GPC6: variants seen among roughly 807,000 people sequenced by gnomAD.
GPC6 encodes the protein glypican-6.
In GPC6, 14 loss-of-function variants were observed where a neutral mutation model predicts 55.2. That is an observed-to-expected ratio of 0.25 (90% CI 0.17 to 0.40). The LOEUF (loss-of-function observed/expected upper bound fraction) is 0.40, where lower values mean the gene tolerates loss of function less well. Ranked by LOEUF, GPC6 falls within the 10% of genes least tolerant of loss-of-function variation. The pLI is 1.00. For synonymous variants in GPC6, 278 were observed against 259.6 expected, an observed-to-expected ratio of 1.07 and a Z score of -0.68; for missense variants, 641 against 708.5, an observed-to-expected ratio of 0.90 and a Z score of 1.08.
intron 3 of GPC6, among the ~76,000 whole-genome samples, chr13:94,019,107 T>C (rs1401995341): frequency 6.6e-6 from 1 of 152,230 alleles, no homozygotes; most frequent in Non-Finnish European, 1.5e-5. Flanking sequence ...CCTCATCTTC[T>C]GTTTTTTGGA....
chr13:93,805,363 G>A (rs1423504806), intron 2 of GPC6, among the ~76,000 whole-genome samples: 1 of 152,070 alleles, frequency 6.6e-6, no homozygotes, highest in Non-Finnish European at 1.5e-5. Flanking sequence ...CTATCACCAA[G>A]TCATCTTTCA....
chr13:93,872,680 G>C (rs1335990716), intron 3 of GPC6, among the ~76,000 whole-genome samples: 1 of 151,974 alleles, frequency 6.6e-6, no homozygotes, highest in Non-Finnish European at 1.5e-5. Context: ...CCACCCATGT[G>C]ATCCCAGATA....
chr13:93,449,213 G>C (rs1338680890), intron 1 of GPC6, among the ~76,000 whole-genome samples: 1 of 151,428 alleles, frequency 6.6e-6, no homozygotes, highest in African/African-American at 2.4e-5. Flanking sequence ...CATAAGGAAG[G>C]GTCCGAGATG....
rs577645546 is a variant in GPC6, at chr13:94,324,011, A to T, written c.1152+17888A>T. Reference sequence around the variant, plus strand: ...AGGACTAGAAGAGAACTGCAAGCTAATGCTGGCTTCCGGCATTGTTGTCGA... The same window carrying T: ...AGGACTAGAAGAGAACTGCAAGCTATTGCTGGCTTCCGGCATTGTTGTCGA... On this transcript the variant is annotated intron_variant, in intron 6 of 8. Coordinates refer to ENST00000377047, the MANE Select transcript of GPC6 (RefSeq NM_005708.5). Among the ~76,000 whole-genome samples, 14 of 152,328 alleles carry T rather than the reference A, an allele frequency of 9.2e-5. No homozygotes were observed. The South Asian group carries it at 2.5e-3, about 27-fold the overall frequency.
intron 2 of GPC6, among the ~76,000 whole-genome samples, chr13:93,561,983 G>A (rs1321332249): frequency 6.6e-6 from 1 of 152,072 alleles, no homozygotes; most frequent in East Asian, 1.9e-4. Context: ...AACTGCTGTT[G>A]CTTTGTGGAT....
chr13:94,288,938 G>GTT lies in GPC6; in HGVS notation c.1008+2459_1008+2460insTT, dbSNP rs1566638399. On this transcript the variant is annotated intron_variant, in intron 5 of 8. Coordinates refer to ENST00000377047, the MANE Select transcript of GPC6 (RefSeq NM_005708.5). ...GTTATATATATAACAAATATAGATA[G>GTT]ATAGATAGATAGATATATAGATAGA... Among the ~76,000 whole-genome samples, 25 of 18,654 alleles carry GTT rather than the reference G, an allele frequency of 1.3e-3. 1 individual carries two copies. The South Asian group carries it at 0.024, about 18-fold the overall frequency. 12.2% of individuals were successfully genotyped at this position (18,654 alleles called of 152,430 possible).
chr13:93,668,600 C>T (rs1284625182), intron 2 of GPC6, among the ~76,000 whole-genome samples: 2 of 152,090 alleles, frequency 1.3e-5, no homozygotes, highest in African/African-American at 2.4e-5. Flanking sequence ...GAAGAGAAGC[C>T]ATGCGAAAGG....
chr13:93,742,552 G>A (rs561781491), intron 2 of GPC6, among the ~76,000 whole-genome samples: 3 of 152,318 alleles, frequency 2.0e-5, no homozygotes, highest in East Asian at 1.9e-4. Context: ...TGACAAGACA[G>A]ACAAGTGGTT....
intron 7 of GPC6, among the ~76,000 whole-genome samples, chr13:94,396,630 A>T (rs1266322782): frequency 6.6e-6 from 1 of 152,232 alleles, no homozygotes; most frequent in Non-Finnish European, 1.5e-5. Flanking sequence ...TGGGTCTTTA[A>T]GGGTATTTGG....
At chr13:94,177,558 T>C (rs1417744935) in intron 4 of GPC6, among the ~76,000 whole-genome samples, 1 of 152,044 alleles carries the variant, frequency 6.6e-6, no homozygotes, top group Non-Finnish European at 1.5e-5. Context: ...AAACAAGATA[T>C]ATCAATTGTC....
intron 1 of GPC6, among the ~76,000 whole-genome samples, chr13:93,472,690 T>C (rs1231313892): frequency 6.6e-6 from 1 of 152,180 alleles, no homozygotes; most frequent in East Asian, 1.9e-4. Context: ...CTTCTCTTCT[T>C]CTCTCCTCTC....
intron 2 of GPC6, among the ~76,000 whole-genome samples, chr13:93,641,072 T>A (rs1348758610): frequency 6.6e-6 from 1 of 151,976 alleles, no homozygotes; most frequent in African/African-American, 2.4e-5. Flanking sequence ...CTGTTAACAT[T>A]TTGAACACCA....
intron 3 of GPC6, among the ~76,000 whole-genome samples, chr13:93,902,773 T>G (rs1408045611): frequency 6.6e-6 from 1 of 152,234 alleles, no homozygotes; most frequent in Non-Finnish European, 1.5e-5. Flanking sequence ...ATTTGCATTT[T>G]GCTGATGATT....
chr13:93,492,248 G>A (rs1055602847), intron 1 of GPC6, among the ~76,000 whole-genome samples: 7 of 146,558 alleles, frequency 4.8e-5, no homozygotes, highest in Middle Eastern at 3.5e-3. Context: ...TCCCTTGTAA[G>A]TTGGATTCCT....
At chr13:93,486,181 TGTG>T (rs1317758219) in intron 1 of GPC6, among the ~76,000 whole-genome samples, 4 of 152,120 alleles carry the variant, frequency 2.6e-5, no homozygotes, top group African/African-American at 9.7e-5. Flanking sequence ...GTGTCAATAA[TGTG>T]GTGTTGGTGG....
chr13:93,939,833 T>C (rs1806164985), intron 3 of GPC6, among the ~76,000 whole-genome samples: 1 of 152,178 alleles, frequency 6.6e-6, no homozygotes, highest in South Asian at 2.1e-4. Flanking sequence ...CTGTTAAGTG[T>C]ATTATATACA....
At chr13:93,431,736 G>A (rs1877366890) in intron 1 of GPC6, among the ~76,000 whole-genome samples, 1 of 152,138 alleles carries the variant, frequency 6.6e-6, no homozygotes, top group Non-Finnish European at 1.5e-5. Context: ...AATGAAGGAT[G>A]AGACAAATTT....
chr13:94,067,355 C>T (rs559811318), intron 4 of GPC6, among the ~76,000 whole-genome samples: 18 of 152,064 alleles, frequency 1.2e-4, no homozygotes, highest in Non-Finnish European at 1.5e-4. Context: ...GATCAAGATA[C>T]GTGAAAGAAT....
In GPC6 at chr13:93,961,999, T is replaced by C. The variant is rs545987344; in HGVS notation, c.712-65730T>C. 2.1e-3 allele frequency among the ~76,000 whole-genome samples: 320 copies of C among 152,302 alleles called. 1 individual carries two copies. The highest frequency in any genetic ancestry group is 7.4e-3 in the African/African-American group (307 of 41,576). On this transcript the variant is annotated intron_variant, in intron 3 of 8. Coordinates refer to ENST00000377047, the MANE Select transcript of GPC6 (RefSeq NM_005708.5). ...TATTCCTGAGGCTGTTCACCAAACA[T>C]GTTACATAAATCATTCCTAGTCCTC...
Sources: gnomAD v4.1 joint callset for allele counts (sites outside exome capture counted in the v4.1 genomes callset) on GRCh38, gnomAD v4.1.1 for gene constraint, MANE v1.5 for transcripts, NCBI Gene and HGNC (gene_info 2026-07-23, HGNC 2026-07-21) for gene names.